Variants in MMS22L observed in about 807,000 individuals in gnomAD.
MMS22L encodes the protein protein MMS22-like.
A neutral mutation model predicts 159.1 loss-of-function variants in MMS22L; 74 were observed. That is an observed-to-expected ratio of 0.47 (90% confidence interval 0.39 to 0.56). The LOEUF (loss-of-function observed/expected upper bound fraction) is 0.56, where lower values mean the gene tolerates loss of function less well. MMS22L is among the 20% of genes least tolerant of loss of function. The probability of loss-of-function intolerance (pLI) is 0.00; values close to 1 mark genes in which losing one functional copy is unlikely to be tolerated. For missense variants in MMS22L, 1,351 were observed against 1,422.1 expected, an observed-to-expected ratio of 0.95 and a Z score of 0.80; for synonymous variants, 517 against 506.9, an observed-to-expected ratio of 1.02 and a Z score of -0.27.
intron 18 of MMS22L, among the ~76,000 whole-genome samples, chr6:97,174,176 C>T (rs1245042259): frequency 1.3e-5 from 2 of 151,270 alleles, no homozygotes; most frequent in Non-Finnish European, 2.9e-5. Flanking sequence ...TGGCTTGAAC[C>T]CAGGAGGTGG....
chr6:97,206,816 T>C (rs1458120943), intron 14 of MMS22L, among the ~76,000 whole-genome samples: 1 of 152,132 alleles, frequency 6.6e-6, no homozygotes, highest in Non-Finnish European at 1.5e-5. Context: ...GGCATAAAAC[T>C]AAGTACTGTC....
intron 24 of MMS22L, among the ~76,000 whole-genome samples, chr6:97,148,251 T>C (rs1801006966): frequency 6.6e-6 from 1 of 152,240 alleles, no homozygotes; most frequent in Non-Finnish European, 1.5e-5. Flanking sequence ...TAGTATATAA[T>C]ACTTGATAAT....
At chr6:97,274,373 G>A (rs566012659) in intron 4 of MMS22L, among the ~76,000 whole-genome samples, 10 of 151,946 alleles carry the variant, frequency 6.6e-5, no homozygotes, top group Admixed American at 2.0e-4. Context: ...CACAATTCTC[G>A]GCCCATTAAG....
At chr6:97,177,930 T>A (rs927034013) in intron 18 of MMS22L, among the ~76,000 whole-genome samples, 2 of 152,260 alleles carry the variant, frequency 1.3e-5, no homozygotes, top group African/African-American at 4.8e-5. Context: ...TCTGTACAAT[T>A]AATAATTAAA....
intron 7 of MMS22L, among the ~76,000 whole-genome samples, chr6:97,268,699 T>C (rs555638219): frequency 2.0e-5 from 3 of 152,214 alleles, no homozygotes; most frequent in Admixed American, 6.5e-5. Flanking sequence ...TTTTATGGCA[T>C]AAAATAGGGC....
Position 97,178,463 on chromosome 6 carries a change from C to CT in MMS22L, c.2658dup (p.Ala887SerfsTer7). ...AATACCTCAAAGAATCGAACAAGTG[C>CT]TTTTTTAGGGTCTTCTGAGATGGAT... On this transcript the variant is annotated frameshift_variant, in exon 18 of 25. Transcript: ENST00000683635. LOFTEE classifies it high-confidence loss of function. The CT allele has an allele frequency of 6.4e-7, 1 of 1,556,326 alleles. No individual in the cohort carries two copies. The highest frequency in any genetic ancestry group is 1.3e-5 in the South Asian group (1 of 78,732).
intron 11 of MMS22L, among the ~76,000 whole-genome samples, chr6:97,240,057 T>C (rs1811886372): frequency 6.6e-6 from 1 of 152,196 alleles, no homozygotes; most frequent in Non-Finnish European, 1.5e-5. Context: ...CAAGTCAAAG[T>C]ACATGACCAT....
At position 97,279,208 on chromosome 6, in the gene MMS22L, G is replaced by A. The variant is rs563221989; in HGVS notation, c.291-310C>T. Among the ~76,000 whole-genome samples the A allele has an allele frequency of 3.6e-3, 550 of 152,342 alleles. 4 individuals are homozygous for A. The highest frequency in any genetic ancestry group is 0.013 in the African/African-American group (528 of 41,572). ...TTTATATCTTTAAGTTTACGGCCGG[G>A]TGTGGTGGCTCTTGCCTGTAATCCC... is the stretch of plus-strand genomic sequence containing the variant. On this transcript the variant is annotated intron_variant, in intron 3 of 24. Transcript: ENST00000683635.
chr6:97,152,747 T>C (rs1216774556), intron 22 of MMS22L, among the ~76,000 whole-genome samples: 1 of 151,910 alleles, frequency 6.6e-6, no homozygotes, highest in African/African-American at 2.4e-5. Flanking sequence ...GAAAACTTTT[T>C]ACAACTTTTT....
rs563123635 is a variant in MMS22L at position 97,147,583 on chromosome 6, T to C, written c.3651-696A>G. ...GTGGTTCACACACAGCCTCTCTAGT[T>C]TTTTCACTCAAATTTGAAGACTGCT... On this transcript the variant is annotated intron_variant, in intron 24 of 24. Coordinates refer to ENST00000683635, the MANE Select transcript of MMS22L (RefSeq NM_001350599.2). 2.6e-5 allele frequency among the ~76,000 whole-genome samples: 4 copies of C among 152,276 alleles called. No homozygotes were observed. In the East Asian group the frequency reaches 7.7e-4, roughly 29 times the overall value.
intron 21 of MMS22L, among the ~76,000 whole-genome samples, chr6:97,164,540 C>T (rs375734418): frequency 2.0e-5 from 2 of 99,444 alleles, no homozygotes; most frequent in Non-Finnish European, 2.1e-5. Flanking sequence ...TAAGACTAAA[C>T]TAACAAGACT....
At chr6:97,269,364 A>G (rs1333545587) in intron 7 of MMS22L, among the ~76,000 whole-genome samples, 1 of 152,080 alleles carries the variant, frequency 6.6e-6, no homozygotes, top group African/African-American at 2.4e-5. Context: ...ACATATTAAA[A>G]CTACGATGTG....
At chr6:97,282,216 C>A in intron 2 of MMS22L, 98 bp downstream of exon 2, 3 of 1,254,712 alleles carry the variant, frequency 2.4e-6, no homozygotes, top group South Asian at 1.5e-5. Flanking sequence ...TAAAACACGA[C>A]TTGGTGAACA....
At chr6:97,278,134 TG>T (rs1816418984) in intron 4 of MMS22L, among the ~76,000 whole-genome samples, 1 of 152,176 alleles carries the variant, frequency 6.6e-6, no homozygotes. Context: ...ATACATGCGG[TG>T]GCTCATGCCT....
rs868251777 is a variant in MMS22L at position 97,279,648 on chromosome 6, G to A, written c.291-750C>T. Among the ~76,000 whole-genome samples the A allele has an allele frequency of 5.3e-5, 8 of 151,852 alleles. No homozygotes were observed. The Middle Eastern group carries it at 0.014, about 258-fold the overall frequency. ...AAAAATACACAAAAATTAGCCGGGC[G>A]TGGTGGGGGGACCCTGTAATCCGAG... On this transcript the variant is annotated intron_variant, in intron 3 of 24. Transcript: ENST00000683635.
In MMS22L at chr6:97,247,683, G is replaced by T. The variant is rs1416418328; in HGVS notation, c.1120-993C>A. Among the ~76,000 whole-genome samples, 4 of 152,074 alleles carry T rather than the reference G, an allele frequency of 2.6e-5. No homozygotes were observed. The South Asian group carries it at 8.3e-4, about 32-fold the overall frequency. ...TAGTGAGCCAAGATCATGCCACTGC[G>T]CTCTAGCCTGGGTGACAGAACAAGA... On this transcript the variant is annotated intron_variant, in intron 10 of 24. Transcript: ENST00000683635.
At chr6:97,160,051 T>A (rs966916166) in intron 22 of MMS22L, among the ~76,000 whole-genome samples, 3 of 151,228 alleles carry the variant, frequency 2.0e-5, no homozygotes, top group African/African-American at 7.3e-5. Flanking sequence ...TCCTTTTTAT[T>A]GTTATTGATA....
chr6:97,191,202 C>T (rs1051391459), intron 14 of MMS22L, among the ~76,000 whole-genome samples: 2 of 152,156 alleles, frequency 1.3e-5, no homozygotes, highest in Non-Finnish European at 2.9e-5. Context: ...TCATATGAGA[C>T]GCATGGAACC....
chr6:97,153,877 G>C (rs1474324095), intron 22 of MMS22L, among the ~76,000 whole-genome samples: 1 of 152,048 alleles, frequency 6.6e-6, no homozygotes, highest in Non-Finnish European at 1.5e-5. Flanking sequence ...CAAACGATGA[G>C]TATTCTACTT....
Sources: gnomAD v4.1 joint callset for allele counts (sites outside exome capture counted in the v4.1 genomes callset) on GRCh38, gnomAD v4.1.1 for gene constraint, MANE v1.5 for transcripts, NCBI Gene and HGNC (gene_info 2026-07-23, HGNC 2026-07-21) for gene names.